Variants in SUPT3H observed in about 807,000 individuals in gnomAD.
The protein encoded by SUPT3H is SPT3 homolog, SAGA and STAGA complex component, also known as transcription initiation protein SPT3 homolog.
SUPT3H carries 44 observed loss-of-function variants against 44.3 expected under a neutral mutation model. The ratio of observed to expected loss-of-function variants is 0.99; its 90% CI spans 0.78 to 1.28. SUPT3H has a LOEUF of 1.28. Ranked by LOEUF, SUPT3H falls within the 50% of genes most tolerant of loss-of-function variation. The pLI, the probability that SUPT3H is intolerant of heterozygous loss-of-function variation, is 0.00. For synonymous variants in SUPT3H, 124 were observed against 125.6 expected (o/e 0.99, Z 0.09); for missense variants, 380 against 387.1 (o/e 0.98, Z 0.15).
intron 2 of SUPT3H, among the ~76,000 whole-genome samples, chr6:45,245,408 A>G (rs1383028276): frequency 6.6e-6 from 1 of 152,072 alleles, no homozygotes; most frequent in Non-Finnish European, 1.5e-5. Flanking sequence ...TTTCTATCAT[A>G]CCAAGCTGAA....
intron 2 of SUPT3H, among the ~76,000 whole-genome samples, chr6:45,172,896 T>G (rs1474136426): frequency 1.3e-5 from 2 of 150,962 alleles, no homozygotes; most frequent in Admixed American, 6.6e-5. Flanking sequence ...GGCCCAGATA[T>G]TTTTAAAAAT....
intron 2 of SUPT3H, among the ~76,000 whole-genome samples, chr6:45,173,628 T>A (rs1051624140): frequency 2.6e-5 from 4 of 152,222 alleles, no homozygotes; most frequent in Non-Finnish European, 5.9e-5. Context: ...TGATTATTTC[T>A]AATGGTTCTA....
At chr6:45,178,230 C>A (rs1452953924) in intron 2 of SUPT3H, among the ~76,000 whole-genome samples, 1 of 151,952 alleles carries the variant, frequency 6.6e-6, no homozygotes, top group Non-Finnish European at 1.5e-5. Flanking sequence ...GAAGATCTAC[C>A]AAGCAAATGG....
intron 3 of SUPT3H, among the ~76,000 whole-genome samples, chr6:45,070,322 T>C (rs2153551736): frequency 6.6e-6 from 1 of 152,294 alleles, no homozygotes; most frequent in Admixed American, 6.5e-5. Context: ...CAACAGAAGA[T>C]TTCTGATCTT....
intron 2 of SUPT3H, chr6:45,328,437 C>G: frequency 6.9e-7 from 1 of 1,454,352 alleles, no homozygotes; most frequent in Non-Finnish European, 9.3e-7. Flanking sequence ...AGGTCACTAC[C>G]AGCCACCGAG....
At chr6:45,039,467 C>G (rs1291726203) in intron 3 of SUPT3H, among the ~76,000 whole-genome samples, 1 of 152,074 alleles carries the variant, frequency 6.6e-6, no homozygotes, top group African/African-American at 2.4e-5. Context: ...AATTTTTGCT[C>G]TCAAATCTGT....
chr6:45,366,836 C>G (rs1427918890), intron 1 of SUPT3H, among the ~76,000 whole-genome samples: 1 of 152,122 alleles, frequency 6.6e-6, no homozygotes, highest in East Asian at 1.9e-4. Flanking sequence ...TTCTCAGACC[C>G]TTCCCCTCTT....
chr6:44,949,095 C>T (rs1456351248), intron 9 of SUPT3H, among the ~76,000 whole-genome samples: 1 of 152,144 alleles, frequency 6.6e-6, no homozygotes, highest in Admixed American at 6.5e-5. Flanking sequence ...TTTGTAGAGA[C>T]ATGTATGAAG....
intron 10 of SUPT3H, among the ~76,000 whole-genome samples, chr6:44,922,804 A>T (rs1768940240): frequency 6.6e-6 from 1 of 152,010 alleles, no homozygotes; most frequent in Non-Finnish European, 1.5e-5. Flanking sequence ...ATAGACTTTA[A>T]AGAAGTTTCT....
At chr6:44,901,469 G>A (rs999190789) in intron 10 of SUPT3H, among the ~76,000 whole-genome samples, 1 of 152,048 alleles carries the variant, frequency 6.6e-6, no homozygotes, top group African/African-American at 2.4e-5. Context: ...GAGAAGTTTA[G>A]AGAAAAAAGA....
chr6:45,186,033 G>A (rs1262349155), intron 2 of SUPT3H, among the ~76,000 whole-genome samples: 1 of 152,162 alleles, frequency 6.6e-6, no homozygotes, highest in Non-Finnish European at 1.5e-5. Flanking sequence ...TCAAACCAGA[G>A]GCAAACAGGA....
chr6:44,849,627 G>T (rs1772541251), intron 10 of SUPT3H, among the ~76,000 whole-genome samples: 2 of 152,196 alleles, frequency 1.3e-5, no homozygotes, highest in African/African-American at 4.8e-5. Context: ...AATTAGTCTT[G>T]CAGGAAGACA....
chr6:44,907,448 G>A (rs765544303), intron 10 of SUPT3H, among the ~76,000 whole-genome samples: 3 of 152,150 alleles, frequency 2.0e-5, no homozygotes, highest in Non-Finnish European at 4.4e-5. Context: ...AGGCTGAGAC[G>A]GGCGGATCAC....
At chr6:45,120,555 C>T (rs980551779) in intron 2 of SUPT3H, among the ~76,000 whole-genome samples, 5 of 150,394 alleles carry the variant, frequency 3.3e-5, no homozygotes, top group Non-Finnish European at 5.9e-5. Flanking sequence ...GAAATGCAAA[C>T]CAATATATAA....
chr6:45,075,546 G>A (rs1399927528), intron 3 of SUPT3H, among the ~76,000 whole-genome samples: 5 of 151,964 alleles, frequency 3.3e-5, no homozygotes, highest in Non-Finnish European at 7.4e-5. Flanking sequence ...ACATTATCTG[G>A]TAAATTTTCT....
intron 10 of SUPT3H, among the ~76,000 whole-genome samples, chr6:44,903,010 C>A (rs1474821032): frequency 6.6e-6 from 1 of 152,040 alleles, no homozygotes; most frequent in Non-Finnish European, 1.5e-5. Flanking sequence ...ATACCAGAAT[C>A]TCTGGGACAC....
At chr6:45,052,637 G>T (rs1274403624) in intron 3 of SUPT3H, among the ~76,000 whole-genome samples, 1 of 152,020 alleles carries the variant, frequency 6.6e-6, no homozygotes, top group Non-Finnish European at 1.5e-5. Context: ...CATAAATACG[G>T]TTCTTAGAAA....
At chr6:44,847,996 T>G (rs1367701344) in intron 10 of SUPT3H, among the ~76,000 whole-genome samples, 5 of 137,886 alleles carry the variant, frequency 3.6e-5, no homozygotes, top group Non-Finnish European at 7.7e-5. Context: ...AGATGGAGTC[T>G]GGCTCTGTTA....
At chr6:45,356,309 G>A (rs1394157241) in intron 2 of SUPT3H, among the ~76,000 whole-genome samples, 1 of 151,576 alleles carries the variant, frequency 6.6e-6, no homozygotes, top group Non-Finnish European at 1.5e-5. Context: ...ATATATTTTA[G>A]TATATTAAAA....
Sources: allele counts gnomAD v4.1 joint callset (sites outside exome capture counted in the v4.1 genomes callset), GRCh38; gene constraint gnomAD v4.1.1; transcripts MANE v1.5; gene names NCBI Gene and HGNC (gene_info 2026-07-23, HGNC 2026-07-21).